Variants in LCOR observed in about 807,000 individuals in gnomAD.
The protein encoded by LCOR is ligand dependent nuclear receptor corepressor, also known as ligand-dependent corepressor.
In LCOR, 14 loss-of-function variants were observed where a neutral mutation model predicts 64.4. The ratio of observed to expected loss-of-function variants is 0.22; its 90% CI spans 0.14 to 0.34. The LOEUF (loss-of-function observed/expected upper bound fraction) is 0.34, where lower values mean the gene tolerates loss of function less well. LCOR is among the 10% of genes least tolerant of loss of function. The pLI is 1.00. For synonymous variants in LCOR, 643 were observed against 642.5 expected (o/e 1.00, Z -0.01); for missense variants, 1,686 against 1,765.3 (o/e 0.96, Z 0.80).
intron 2 of LCOR, among the ~76,000 whole-genome samples, chr10:96,868,269 TTTTCTTTTC>T (rs1415644288): frequency 2.0e-5 from 3 of 149,432 alleles, no homozygotes; most frequent in African/African-American, 7.6e-5. Context: ...TTTTCTTTTC[TTTTCTTTTC>T]TTTTTTTTTT....
chr10:96,921,124 CCCAG>C (rs1847073984), intron 4 of LCOR, among the ~76,000 whole-genome samples: 1 of 152,064 alleles, frequency 6.6e-6, no homozygotes. Context: ...AGCCACCACC[CCCAG>C]CCTATATGTT....
At chr10:96,860,035 A>G (rs1273163412) in intron 2 of LCOR, among the ~76,000 whole-genome samples, 1 of 152,212 alleles carries the variant, frequency 6.6e-6, no homozygotes, top group African/African-American at 2.4e-5. Flanking sequence ...CCTTCACTTA[A>G]GGGCTTGAAG....
At chr10:96,974,484 A>G (rs1185584538) in intron 7 of LCOR, among the ~76,000 whole-genome samples, 1 of 152,258 alleles carries the variant, frequency 6.6e-6, no homozygotes, top group African/African-American at 2.4e-5. Context: ...GTTATGAATT[A>G]CTGTTCTTAT....
At chr10:96,950,801 A>C (rs187882633) in intron 6 of LCOR, among the ~76,000 whole-genome samples, 42 of 152,258 alleles carry the variant, frequency 2.8e-4, no homozygotes, top group Middle Eastern at 3.4e-3. Context: ...TTGATTAGAC[A>C]AATTGTCTAT....
At chr10:96,846,618 T>C (rs1465633769) in intron 2 of LCOR, among the ~76,000 whole-genome samples, 4 of 152,230 alleles carry the variant, frequency 2.6e-5, no homozygotes, top group Non-Finnish European at 4.4e-5. Context: ...GTGATAAAGC[T>C]ATTTCCTTTG....
chr10:96,995,562 A>AAG lies in LCOR; in HGVS notation c.*10430_*10431dup. 1 of 152,344 alleles carries AAG rather than the reference A, an allele frequency of 6.6e-6. No homozygotes were observed. The highest frequency in any genetic ancestry group is 2.4e-5 in the African/African-American group (1 of 41,584). The allele number at this position is 152,344 out of a possible 1,614,324, so 9.4% of individuals were successfully genotyped here. On this transcript the variant is annotated 3_prime_UTR_variant, in exon 8 of 8. Coordinates refer to ENST00000421806, the MANE Select transcript of LCOR (RefSeq NM_001346516.2). The surrounding 1 kb of genome is among the most constrained non-coding windows in gnomAD (Gnocchi z 4.2). ...AGACAATGTTTACATACCTCACCTG[A>AAG]AGAACCTTTGAGAGTGTATATATAA...
intron 2 of LCOR, among the ~76,000 whole-genome samples, chr10:96,858,861 A>G (rs1845844164): frequency 6.6e-6 from 1 of 152,200 alleles, no homozygotes. Flanking sequence ...CCTGGTGGAT[A>G]GGGCCATCTG....
chr10:96,980,334 A>G (rs908639997), intron 7 of LCOR, among the ~76,000 whole-genome samples: 9 of 152,238 alleles, frequency 5.9e-5, no homozygotes, highest in African/African-American at 2.2e-4. Context: ...AGTGTGGTCA[A>G]AATTTTAGCT....
intron 2 of LCOR, among the ~76,000 whole-genome samples, chr10:96,853,909 A>G (rs1207994386): frequency 3.9e-5 from 6 of 152,178 alleles, no homozygotes; most frequent in African/African-American, 1.4e-4. Flanking sequence ...GCCAATGCCT[A>G]TAAAACCATC....
rs1356991623 is a variant in LCOR at position 96,983,531 on chromosome 10, C to T, written c.3071C>T (p.Ala1024Val). Residue 1024 changes from alanine to valine, a missense_variant, in exon 8 of 8, where the codon GCT becomes GTT. Physicochemically the swap from Ala to Val is moderately conservative, Grantham distance 64 (BLOSUM62 0). Transcript: ENST00000421806. This position sits in a 1 kb window ranked among gnomAD's most constrained non-coding sequence, Gnocchi z 4.5. ...GLSSSGSGDA[A>V]RAPKSVPRPK... ...TCGAGTAGTGGAAGTGGTGATGCTG[C>T]TAGGGCACCAAAATCGGTGCCAAGG... 6.2e-7 allele frequency: 1 copy of T among 1,613,950 alleles called. No individual in the cohort carries two copies. Among genetic ancestry groups the T allele is most frequent in the Non-Finnish European group, 8.5e-7 (1 of 1,180,016 alleles).
chr10:96,880,990 G>A (rs953211886), intron 2 of LCOR, among the ~76,000 whole-genome samples: 1 of 152,172 alleles, frequency 6.6e-6, no homozygotes, highest in Admixed American at 6.5e-5. Context: ...ATGTCTTAGT[G>A]CATTTGAACT....
At chr10:96,945,857 G>A (rs1847580720) in intron 5 of LCOR, among the ~76,000 whole-genome samples, 2 of 151,618 alleles carry the variant, frequency 1.3e-5, no homozygotes, top group South Asian at 2.1e-4. Context: ...AAATTCTGTC[G>A]TACTTTTCTG....
At chr10:96,903,644 C>T (rs1846681015) in intron 2 of LCOR, among the ~76,000 whole-genome samples, 1 of 152,120 alleles carries the variant, frequency 6.6e-6, no homozygotes, top group South Asian at 2.1e-4. Context: ...ATATTGCTGA[C>T]CTTAGTTAGC....
intron 3 of LCOR, 76 bp from the exon 4 acceptor site, chr10:96,907,592 T>G (rs1846751793): frequency 1.2e-5 from 7 of 588,510 alleles, no homozygotes; most frequent in Non-Finnish European, 1.5e-5. Context: ...TGTTAAACAA[T>G]ATTTTTGAAA....
At chr10:96,922,265 A>G (rs1047778231) in intron 4 of LCOR, among the ~76,000 whole-genome samples, 1 of 152,078 alleles carries the variant, frequency 6.6e-6, no homozygotes, top group East Asian at 1.9e-4. Context: ...CGTTCTTCCT[A>G]CATCAGAAGG....
chr10:96,849,915 T>C (rs1241777685), intron 2 of LCOR, among the ~76,000 whole-genome samples: 1 of 151,126 alleles, frequency 6.6e-6, no homozygotes, highest in African/African-American at 2.4e-5. Context: ...AAGATATTGT[T>C]GGAATTGTCA....
At position 96,935,136 on chromosome 10, in the gene LCOR, T is replaced by A. The variant is rs149976906; in HGVS notation, c.-183-8977T>A. On this transcript the variant is annotated intron_variant, in intron 4 of 7. Coordinates refer to ENST00000421806, the MANE Select transcript of LCOR (RefSeq NM_001346516.2). ...AACTTTTCCTTATCTCCTGGCTATT[T>A]TACTTTTTTTTTTTTTTTTTTTTTT... Among the ~76,000 whole-genome samples, 1,273 of 146,660 alleles carry A rather than the reference T, an allele frequency of 8.7e-3. 51 individuals are homozygous for A. Among genetic ancestry groups the A allele is most frequent in the Admixed American group, 0.054 (750 of 13,946 alleles).
At chr10:96,860,514 A>G (rs968443044) in intron 2 of LCOR, among the ~76,000 whole-genome samples, 7 of 152,228 alleles carry the variant, frequency 4.6e-5, no homozygotes, top group African/African-American at 1.7e-4. Context: ...GGCCATGCCA[A>G]TACCTTGGTT....
chr10:96,854,087 T>A (rs1845764572), intron 2 of LCOR, among the ~76,000 whole-genome samples: 1 of 152,170 alleles, frequency 6.6e-6, no homozygotes, highest in African/African-American at 2.4e-5. Flanking sequence ...CACCCTGGCA[T>A]GACAGAAATA....
Sources: gnomAD v4.1 joint callset for allele counts (sites outside exome capture counted in the v4.1 genomes callset) on GRCh38, gnomAD v4.1.1 for gene constraint, Gnocchi (gnomAD v3.1) non-coding constraint, MANE v1.5 for transcripts, NCBI Gene and HGNC (gene_info 2026-07-23, HGNC 2026-07-21) for gene names.